The following SLC27A2 variants were observed in gnomAD, a reference collection of about 807,000 sequenced individuals.
SLC27A2 encodes the protein long-chain fatty acid transport protein 2.
Under a neutral mutation model 60.0 loss-of-function variants are expected in SLC27A2, and 54 were observed. The observed-to-expected ratio is 0.90, with a 90% CI of 0.72 to 1.13. The LOEUF is 1.13. SLC27A2 is among the 50% of genes most tolerant of loss of function. SLC27A2 has a pLI of 0.00. For synonymous variants in SLC27A2, 297 were observed against 297.6 expected (o/e 1.00, Z 0.02); for missense variants, 739 against 777.6 (o/e 0.95, Z 0.59).
At chr15:50,211,230 G>A (rs1320592933) in intron 4 of SLC27A2, among the ~76,000 whole-genome samples, 1 of 152,180 alleles carries the variant, frequency 6.6e-6, no homozygotes. Context: ...TGGAGTCATT[G>A]CATCCTCTGC....
intron 5 of SLC27A2, among the ~76,000 whole-genome samples, chr15:50,224,947 C>T (rs977040825): frequency 2.3e-4 from 35 of 152,194 alleles, no homozygotes; most frequent in African/African-American, 7.5e-4. Context: ...TTTACTTTCT[C>T]ATCCATTGAT....
intron 1 of SLC27A2, among the ~76,000 whole-genome samples, chr15:50,192,983 G>A (rs1191105876): frequency 3.9e-5 from 6 of 152,026 alleles, no homozygotes; most frequent in Non-Finnish European, 8.8e-5. Context: ...TGCCTACACA[G>A]TGTAGACAAG....
At chr15:50,185,997 G>T (rs1446500024) in intron 1 of SLC27A2, among the ~76,000 whole-genome samples, 1 of 151,972 alleles carries the variant, frequency 6.6e-6, no homozygotes. Flanking sequence ...TAGCACTTTG[G>T]GAAGTGGAGG....
chr15:50,201,835 G>C (rs138590179), intron 2 of SLC27A2, among the ~76,000 whole-genome samples: 3 of 152,152 alleles, frequency 2.0e-5, no homozygotes, highest in Non-Finnish European at 4.4e-5. Flanking sequence ...GATTACAGGC[G>C]TGAGCCACCG....
At chr15:50,219,567 C>G (rs989142748) in intron 4 of SLC27A2, among the ~76,000 whole-genome samples, 2 of 152,056 alleles carry the variant, frequency 1.3e-5, no homozygotes, top group African/African-American at 4.8e-5. Flanking sequence ...CACATTGATT[C>G]AGATTTGAAT....
chr15:50,196,436 G>C (rs1259118674), intron 1 of SLC27A2, among the ~76,000 whole-genome samples: 1 of 151,956 alleles, frequency 6.6e-6, no homozygotes, highest in Non-Finnish European at 1.5e-5. Context: ...AGAGTAGTGT[G>C]TACTAGGCAT....
chr15:50,198,360 C>G (rs2045040778), intron 2 of SLC27A2: 1 of 151,822 alleles, frequency 6.6e-6, no homozygotes, highest in African/African-American at 2.4e-5. Flanking sequence ...ACTAGGCATT[C>G]TTCAAGGAGC....
At chr15:50,224,179 G>T (rs1279514100) in intron 5 of SLC27A2, among the ~76,000 whole-genome samples, 3 of 152,202 alleles carry the variant, frequency 2.0e-5, no homozygotes, top group African/African-American at 7.2e-5. Context: ...AGCGGCTCAC[G>T]CCTGTAATCC....
Position 50,196,077 on chromosome 15 carries a change from AATATATATATATATATATATAT to A in SLC27A2, c.479-1396_479-1375del, listed in dbSNP as rs58819609. Among the ~76,000 whole-genome samples, 49 of 15,442 alleles carry A rather than the reference AATATATATATATATATATATAT, an allele frequency of 3.2e-3. 5 individuals are homozygous for A. The highest frequency in any genetic ancestry group is 4.6e-3 in the African/African-American group (18 of 3,910). The allele number at this position is 15,442 out of a possible 152,430, so 10.1% of individuals were successfully genotyped here. A position where few individuals can be genotyped will look rare whatever the true frequency, so the allele number is the denominator to read the frequency against. ...TCAAAAAAAAAAAAAAAAAAAAAAA[AATATATATATATATATATATAT>A]ATATATATATATATATATATATATA... On this transcript the variant is annotated intron_variant, in intron 1 of 9. Coordinates refer to ENST00000267842, the MANE Select transcript of SLC27A2 (RefSeq NM_003645.4).
chr15:50,198,952 C>G (rs2045044370), intron 2 of SLC27A2, among the ~76,000 whole-genome samples: 1 of 151,972 alleles, frequency 6.6e-6, no homozygotes, highest in Admixed American at 6.6e-5. Context: ...CATACAGTCA[C>G]TTTTGCTAAG....
At position 50,195,635 on chromosome 15, in the gene SLC27A2, G is replaced by A. The variant is rs550992841; in HGVS notation, c.479-1865G>A. Reference sequence around the variant, plus strand: ...TTTGATTTATTGTTACCAGGTGCATGAGTCTTTTGATTAAAATATTTTTTT... The same window carrying A: ...TTTGATTTATTGTTACCAGGTGCATAAGTCTTTTGATTAAAATATTTTTTT... On this transcript the variant is annotated intron_variant, in intron 1 of 9. Transcript: ENST00000267842. 2.0e-5 allele frequency among the ~76,000 whole-genome samples: 3 copies of A among 152,240 alleles called. No homozygotes were observed. In the South Asian group the frequency reaches 6.2e-4, roughly 32 times the overall value.
chr15:50,190,704 G>A (rs1004467118), intron 1 of SLC27A2, among the ~76,000 whole-genome samples: 2 of 151,678 alleles, frequency 1.3e-5, no homozygotes, highest in Admixed American at 6.6e-5. Flanking sequence ...AGGGGATGGG[G>A]GAGTAGTGTT....
intron 4 of SLC27A2, among the ~76,000 whole-genome samples, chr15:50,217,584 C>T (rs2045208614): frequency 6.6e-6 from 1 of 152,142 alleles, no homozygotes; most frequent in Non-Finnish European, 1.5e-5. Context: ...GGCTCACTGC[C>T]TCGTCAACCA....
chr15:50,223,455 G>T (rs765954045), intron 5 of SLC27A2, among the ~76,000 whole-genome samples: 5 of 152,178 alleles, frequency 3.3e-5, no homozygotes, highest in East Asian at 1.9e-4. Flanking sequence ...ACACCTGAAG[G>T]TTACAAGTTC....
intron 4 of SLC27A2, among the ~76,000 whole-genome samples, chr15:50,211,607 C>T (rs1567433119): frequency 6.6e-6 from 1 of 152,150 alleles, no homozygotes; most frequent in Non-Finnish European, 1.5e-5. Flanking sequence ...AGTTCACCAG[C>T]AACGAATCCA....
At chr15:50,226,208 C>T (rs2045277658) in intron 6 of SLC27A2, 130 bp downstream of exon 6, 1 of 605,162 alleles carries the variant, frequency 1.7e-6, no homozygotes, top group Non-Finnish European at 3.0e-6. Flanking sequence ...TATTTAAGTA[C>T]CCTCCAATAT....
At chr15:50,212,007 C>T (rs1018093093) in intron 4 of SLC27A2, among the ~76,000 whole-genome samples, 3 of 141,750 alleles carry the variant, frequency 2.1e-5, no homozygotes, top group Non-Finnish European at 3.0e-5. Flanking sequence ...GGAGGCAGAG[C>T]TTGCAGTGAG....
chr15:50,217,265 T>TA, intron 4 of SLC27A2, among the ~76,000 whole-genome samples: 1 of 152,102 alleles, frequency 6.6e-6, no homozygotes, highest in South Asian at 2.1e-4. Flanking sequence ...AATAAATAAA[T>TA]AAAATCTGTG....
intron 2 of SLC27A2, among the ~76,000 whole-genome samples, chr15:50,197,985 T>G (rs2045037404): frequency 6.6e-6 from 1 of 152,184 alleles, no homozygotes; most frequent in South Asian, 2.1e-4. Context: ...GATTTGGCAC[T>G]GAATGGGTAG....
Sources: allele counts gnomAD v4.1 joint callset (sites outside exome capture counted in the v4.1 genomes callset), GRCh38; gene constraint gnomAD v4.1.1; transcripts MANE v1.5; gene names NCBI Gene and HGNC (gene_info 2026-07-23, HGNC 2026-07-21).